Variants in GPR89B observed in about 807,000 individuals in gnomAD.
GPR89B encodes G protein-coupled receptor 89B.
A neutral mutation model predicts 52.4 loss-of-function variants in GPR89B; 25 were observed. The observed-to-expected ratio is 0.48, with a 90% CI of 0.35 to 0.67. GPR89B has a LOEUF of 0.67. Among genes scored for constraint, GPR89B ranks in the 30% least tolerant of loss-of-function variants. The pLI is 0.01. For synonymous variants in GPR89B, 52 were observed against 151.2 expected (o/e 0.34, Z 4.81); for missense variants, 146 against 450.2 (o/e 0.32, Z 6.11).
chr1:147,994,148 C>T, downstream of GPR89B: 1 of 1,098,692 alleles, frequency 9.1e-7, no homozygotes, highest in South Asian at 1.6e-5. Context: ...CAAATGATAA[C>T]AGAAGACAAT....
chr1:148,000,028 A>G, the GPR89B span, among the ~76,000 whole-genome samples: 1 of 152,194 alleles, frequency 6.6e-6, no homozygotes, highest in Non-Finnish European at 1.5e-5. Flanking sequence ...CCATATTTGG[A>G]TGGGACAACC....
Position 147,981,318 on chromosome 1 carries a change from G to GACACACACACAC in GPR89B, c.910-4870_910-4869insCACACACACACA, listed in dbSNP as rs1189035337. Among the ~76,000 whole-genome samples the GACACACACACAC allele has an allele frequency of 2.9e-3, 432 of 149,242 alleles. 6 individuals carry two copies. The highest frequency in any genetic ancestry group is 9.7e-3 in the African/African-American group (387 of 39,700). On this transcript the variant is annotated intron_variant, in intron 10 of 13. Transcript: ENST00000314163. The stretch of plus-strand genomic sequence containing the variant: ...CCCCATTCTTTACCCCTCCCTCCCC[G>GACACACACACAC]ACACACACACATACACACACACACA...
the GPR89B span, among the ~76,000 whole-genome samples, chr1:148,015,424 C>A: frequency 6.7e-6 from 1 of 148,564 alleles, no homozygotes; most frequent in Non-Finnish European, 1.5e-5. Flanking sequence ...AAGCGATTCT[C>A]CTGCCTCAGC....
chr1:148,013,816 T>C, the GPR89B span, among the ~76,000 whole-genome samples: 2 of 151,950 alleles, frequency 1.3e-5, no homozygotes, highest in Non-Finnish European at 2.9e-5. Flanking sequence ...GGAGGCTAGG[T>C]CTTTCCCACG....
the GPR89B span, among the ~76,000 whole-genome samples, chr1:148,016,771 C>T: frequency 0.01 from 1,577 of 151,438 alleles, 50 homozygotes; most frequent in African/African-American, 0.035. Flanking sequence ...CTTTCCTCCC[C>T]GCTCCTTTTC....
intron 10 of GPR89B, among the ~76,000 whole-genome samples, chr1:147,972,285 C>T (rs1488169726): frequency 7.3e-5 from 11 of 151,526 alleles, no homozygotes; most frequent in Non-Finnish European, 1.5e-4. Flanking sequence ...TTGCTGTGAA[C>T]ACTTGTGTAC....
chr1:148,012,920 T>C, the GPR89B span, among the ~76,000 whole-genome samples: 1 of 152,054 alleles, frequency 6.6e-6, no homozygotes, highest in Non-Finnish European at 1.5e-5. Flanking sequence ...TTATTTTTTA[T>C]TGTAAAATAG....
chr1:147,952,334 G>A (rs1655783594), intron 5 of GPR89B, among the ~76,000 whole-genome samples: 1 of 151,826 alleles, frequency 6.6e-6, no homozygotes, highest in Non-Finnish European at 1.5e-5. Context: ...TCAGAAGGAA[G>A]ATAGTAGGAG....
the GPR89B span, among the ~76,000 whole-genome samples, chr1:148,014,157 G>A: frequency 6.6e-6 from 1 of 151,318 alleles, no homozygotes; most frequent in Non-Finnish European, 1.5e-5. Flanking sequence ...ACGCTGGGTG[G>A]ACGCTGCCTG....
intron 5 of GPR89B, among the ~76,000 whole-genome samples, chr1:147,951,374 T>A (rs1471909671): frequency 1.3e-5 from 2 of 152,116 alleles, no homozygotes; most frequent in Non-Finnish European, 2.9e-5. Flanking sequence ...GAAAGTAATT[T>A]CATTCAATAA....
intron 10 of GPR89B, among the ~76,000 whole-genome samples, chr1:147,984,737 C>A (rs1209178483): frequency 6.8e-6 from 1 of 147,558 alleles, no homozygotes; most frequent in Non-Finnish European, 1.5e-5. Flanking sequence ...AAAATGCTTT[C>A]GAGTTTCCCT....
intron 5 of GPR89B, among the ~76,000 whole-genome samples, chr1:147,949,626 A>AC (rs587718004): frequency 1.8e-5 from 2 of 109,258 alleles, no homozygotes; most frequent in Admixed American, 9.1e-5. Flanking sequence ...CGGGGGGCTG[A>AC]CCCCCCCACC....
At chr1:147,970,529 C>CTCTA (rs1657366842) in intron 10 of GPR89B, among the ~76,000 whole-genome samples, 3 of 141,564 alleles carry the variant, frequency 2.1e-5, no homozygotes, top group South Asian at 2.1e-4. Flanking sequence ...CTCTCTCTCT[C>CTCTA]TCTCTATCTC....
the GPR89B span, among the ~76,000 whole-genome samples, chr1:148,006,200 C>G: frequency 6.8e-6 from 1 of 146,512 alleles, no homozygotes; most frequent in Non-Finnish European, 1.5e-5. Flanking sequence ...GGCCTTGGCC[C>G]CTTGCACCAG....
chr1:147,996,604 G>A, downstream of GPR89B: 1 of 1,611,648 alleles, frequency 6.2e-7, no homozygotes, highest in Admixed American at 1.7e-5. Flanking sequence ...CCAGCCTGCA[G>A]AGTTTAGGCT....
At chr1:148,017,783 A>C in the GPR89B span, among the ~76,000 whole-genome samples, 1 of 151,536 alleles carries the variant, frequency 6.6e-6, no homozygotes, top group East Asian at 1.9e-4. Flanking sequence ...AATAAAGTTA[A>C]CACCCCTCAC....
At chr1:147,997,161 C>T (rs1659333840), downstream of GPR89B, among the ~76,000 whole-genome samples, 1 of 152,102 alleles carries the variant, frequency 6.6e-6, no homozygotes, top group Admixed American at 6.5e-5. Context: ...TCTGGCTTTT[C>T]CTTTCGGTAA....
chr1:148,000,439 C>T, the GPR89B span, among the ~76,000 whole-genome samples: 6,629 of 151,996 alleles, frequency 0.044, 200 homozygotes, highest in African/African-American at 0.073. Context: ...ACAAGATTAT[C>T]TTGAAAAAAT....
intron 3 of GPR89B, among the ~76,000 whole-genome samples, chr1:147,942,595 C>T (rs1654650371): frequency 6.6e-6 from 1 of 150,648 alleles, no homozygotes; most frequent in African/African-American, 2.4e-5. Flanking sequence ...TATAATATAT[C>T]CATATAATGG....
Sources: allele counts gnomAD v4.1 joint callset (sites outside exome capture counted in the v4.1 genomes callset), GRCh38; gene constraint gnomAD v4.1.1; transcripts MANE v1.5; gene names NCBI Gene and HGNC (gene_info 2026-07-23, HGNC 2026-07-21).